The following ANO3 variants were observed in gnomAD, a reference collection of about 807,000 sequenced individuals.
ANO3 encodes the protein anoctamin 3.
A neutral mutation model predicts 144.8 loss-of-function variants in ANO3; 99 were observed. The ratio of observed to expected loss-of-function variants is 0.68; its 90% CI spans 0.58 to 0.81. The LOEUF (loss-of-function observed/expected upper bound fraction) is 0.81. Ranked by LOEUF, ANO3 falls within the 30% of genes least tolerant of loss-of-function variation. ANO3 has a pLI of 0.00. For missense variants in ANO3, 905 were observed against 1,202.2 expected, an observed-to-expected ratio of 0.75 and a Z score of 3.66; for synonymous variants, 414 against 392.6, an observed-to-expected ratio of 1.05 and a Z score of -0.64.
intron 3 of ANO3, among the ~76,000 whole-genome samples, chr11:26,451,901 C>T (rs1858956458): frequency 1.3e-5 from 2 of 152,152 alleles, no homozygotes; most frequent in African/African-American, 4.8e-5. Context: ...TCCAGAGGAA[C>T]AATCAGACAG....
At chr11:26,600,260 TCTCCTCTCCTCTCCC>T (rs557815099) in intron 17 of ANO3, among the ~76,000 whole-genome samples, 5,357 of 117,924 alleles carry the variant, frequency 0.045, 183 homozygotes, top group Non-Finnish European at 0.072. Flanking sequence ...TCTCCTCTCC[TCTCCTCTCCTCTCCC>T]CTCCCCTTCC....
At chr11:26,623,158 T>C (rs1283965533) in intron 17 of ANO3, among the ~76,000 whole-genome samples, 1 of 152,232 alleles carries the variant, frequency 6.6e-6, no homozygotes, top group Non-Finnish European at 1.5e-5. Context: ...AGTACTGTAC[T>C]CAGTGTAATC....
chr11:26,629,530 A>G (rs541548855), intron 18 of ANO3, among the ~76,000 whole-genome samples: 1 of 152,330 alleles, frequency 6.6e-6, no homozygotes, highest in East Asian at 1.9e-4. Flanking sequence ...CATAAAAGAA[A>G]TATGTATGGA....
intron 1 of ANO3, among the ~76,000 whole-genome samples, chr11:26,408,363 C>A (rs1857343475): frequency 6.6e-6 from 1 of 151,890 alleles, no homozygotes; most frequent in Non-Finnish European, 1.5e-5. Context: ...AGCCAAAAAA[C>A]ACATGAAAAA....
intron 1 of ANO3, among the ~76,000 whole-genome samples, chr11:26,190,858 C>T (rs1273488067): frequency 1.3e-5 from 2 of 152,178 alleles, no homozygotes; most frequent in Non-Finnish European, 2.9e-5. Flanking sequence ...CAGTTGAAAT[C>T]CCTTGAAATG....
intron 3 of ANO3, among the ~76,000 whole-genome samples, chr11:26,446,508 G>C (rs903153): frequency 0.98 from 148,620 of 152,318 alleles, 72,609 homozygotes; most frequent in East Asian, 1. Flanking sequence ...TTGTTCCAAA[G>C]GAGAACCATG....
chr11:26,610,230 T>C (rs994921165), intron 17 of ANO3, among the ~76,000 whole-genome samples: 1 of 151,974 alleles, frequency 6.6e-6, no homozygotes, highest in African/African-American at 2.4e-5. Flanking sequence ...TTTTTGATTC[T>C]AGCCATTCTA....
At chr11:26,322,970 A>T (rs1259019983) in intron 1 of ANO3, among the ~76,000 whole-genome samples, 1 of 152,028 alleles carries the variant, frequency 6.6e-6, no homozygotes, top group Admixed American at 6.6e-5. Context: ...ATGGATATAT[A>T]TTTTACACTT....
At chr11:26,428,383 A>C (rs1857982180) in intron 1 of ANO3, among the ~76,000 whole-genome samples, 1 of 152,242 alleles carries the variant, frequency 6.6e-6, no homozygotes, top group Non-Finnish European at 1.5e-5. Context: ...CTCTAAGGAA[A>C]AAATCCTCTA....
rs1420909721 is a variant in ANO3 at position 26,541,295 on chromosome 11, G to A, written c.1033-652G>A. Among the ~76,000 whole-genome samples the A allele has an allele frequency of 3.9e-5, 6 of 152,032 alleles. No homozygotes were observed. In the South Asian group the frequency reaches 1.0e-3, roughly 26 times the overall value. ...GAACATCACACAATGGGGCCAGTTC[G>A]CGGGTGGGGAGGTAGGGGAGGGATA... On this transcript the variant is annotated intron_variant, in intron 10 of 26. Coordinates refer to ENST00000256737, the MANE Select transcript of ANO3 (RefSeq NM_031418.4).
At chr11:26,625,303 A>G (rs1207962132) in intron 18 of ANO3, among the ~76,000 whole-genome samples, 1 of 151,978 alleles carries the variant, frequency 6.6e-6, no homozygotes, top group African/African-American at 2.4e-5. Flanking sequence ...CCATTATTGG[A>G]TTTTATCTTT....
intron 1 of ANO3, among the ~76,000 whole-genome samples, chr11:26,440,041 T>C (rs960875768): frequency 2.6e-5 from 4 of 152,118 alleles, no homozygotes; most frequent in Non-Finnish European, 5.9e-5. Flanking sequence ...CTTTGCCTCA[T>C]GTGGTGTGAA....
At chr11:26,604,465 T>G (rs1453684107) in intron 17 of ANO3, among the ~76,000 whole-genome samples, 1 of 152,186 alleles carries the variant, frequency 6.6e-6, no homozygotes, top group Non-Finnish European at 1.5e-5. Flanking sequence ...CAATGGTAGT[T>G]TGATGGGAAT....
At chr11:26,590,827 G>A (rs1049072237) in intron 14 of ANO3, among the ~76,000 whole-genome samples, 5 of 152,120 alleles carry the variant, frequency 3.3e-5, no homozygotes, top group Admixed American at 6.5e-5. Context: ...AGTGGTGGAC[G>A]GCAAGCGAAA....
chr11:26,578,545 C>A (rs763566768), intron 14 of ANO3, among the ~76,000 whole-genome samples: 6 of 152,062 alleles, frequency 3.9e-5, no homozygotes, highest in African/African-American at 1.4e-4. Context: ...AAGGAGCGGG[C>A]GATCATCACA....
chr11:26,624,318 A>T (rs1852512774), intron 17 of ANO3, 144 bp from the exon 18 acceptor site: 1 of 576,976 alleles, frequency 1.7e-6, no homozygotes, highest in Non-Finnish European at 3.1e-6. Flanking sequence ...AGCCTTACAT[A>T]CTAAGTTTCA....
At chr11:26,529,116 A>T (rs192179758) in intron 7 of ANO3, among the ~76,000 whole-genome samples, 2 of 1,088 alleles carry the variant, frequency 1.8e-3, no homozygotes, top group African/African-American at 1.9e-3. Flanking sequence ...ATTATTAATA[A>T]TATATATTAT....
At chr11:26,225,507 C>A (rs1180479679) in intron 1 of ANO3, among the ~76,000 whole-genome samples, 1 of 151,962 alleles carries the variant, frequency 6.6e-6, no homozygotes, top group Non-Finnish European at 1.5e-5. Flanking sequence ...TCTCTACTAG[C>A]CTCTTCATAT....
At chr11:26,616,873 A>G (rs1852276916) in intron 17 of ANO3, among the ~76,000 whole-genome samples, 2 of 152,112 alleles carry the variant, frequency 1.3e-5, no homozygotes, top group South Asian at 4.1e-4. Flanking sequence ...CCTGGGTTCA[A>G]GTGATTCTCC....
Sources: gnomAD v4.1 joint callset for allele counts (sites outside exome capture counted in the v4.1 genomes callset) on GRCh38, gnomAD v4.1.1 for gene constraint, MANE v1.5 for transcripts, NCBI Gene and HGNC (gene_info 2026-07-23, HGNC 2026-07-21) for gene names.